PCDHGA5: variants seen among roughly 807,000 people sequenced by gnomAD.
PCDHGA5 encodes the protein protocadherin gamma-A5.
A neutral mutation model predicts 56.7 loss-of-function variants in PCDHGA5; 36 were observed. That is an observed-to-expected ratio of 0.64 (90% CI 0.49 to 0.84). The LOEUF (loss-of-function observed/expected upper bound fraction) is 0.84, where lower values mean the gene tolerates loss of function less well. Among genes scored for constraint, PCDHGA5 ranks in the 40% least tolerant of loss-of-function variants. The pLI, the probability that PCDHGA5 is intolerant of heterozygous loss-of-function variation, is 0.00. For synonymous variants in PCDHGA5, 563 were observed against 520.2 expected (o/e 1.08, Z -1.12); for missense variants, 1,305 against 1,201.5 (o/e 1.09, Z -1.27).
intron 1 of PCDHGA5, chr5:141,421,617 C>A (rs781622911): frequency 6.2e-7 from 1 of 1,613,768 alleles, no homozygotes; most frequent in South Asian, 1.1e-5. Flanking sequence ...TTAATGATAA[C>A]GCCCCCAGCT....
intron 1 of PCDHGA5, chr5:141,478,778 C>A: frequency 6.7e-7 from 1 of 1,488,178 alleles, no homozygotes; most frequent in Non-Finnish European, 8.9e-7. Flanking sequence ...ATCTGTGGAC[C>A]TAATTCACAT....
chr5:141,372,024 G>C (rs756350888), intron 1 of PCDHGA5: 1 of 1,613,384 alleles, frequency 6.2e-7, no homozygotes, highest in East Asian at 2.2e-5. Context: ...TACGCTCAGC[G>C]CCAACGTGAG....
chr5:141,370,949 C>T (rs1317760178), intron 1 of PCDHGA5: 2 of 1,613,980 alleles, frequency 1.2e-6, no homozygotes, highest in Non-Finnish European at 8.5e-7. Flanking sequence ...AGAAGGAGAA[C>T]CTGGATGGCA....
intron 1 of PCDHGA5, chr5:141,403,602 G>A (rs761454619): frequency 5.0e-6 from 8 of 1,613,800 alleles, no homozygotes; most frequent in Non-Finnish European, 5.9e-6. Context: ...GCCTCGGATG[G>A]CGGCGAGCCG....
chr5:141,484,532 G>A (rs1421387882), intron 1 of PCDHGA5, among the ~76,000 whole-genome samples: 1 of 152,182 alleles, frequency 6.6e-6, no homozygotes, highest in Non-Finnish European at 1.5e-5. Context: ...TTGAGTATAT[G>A]GCAGTGGTTC....
At chr5:141,405,489 G>A (rs1008095215) in intron 1 of PCDHGA5, 51 of 894,082 alleles carry the variant, frequency 5.7e-5, no homozygotes, top group Non-Finnish European at 7.7e-5. Context: ...GTGTGATCTC[G>A]GCTCATTGCA....
At position 141,505,383 on chromosome 5, in the gene PCDHGA5, C is replaced by G. The variant is rs369765886; in HGVS notation, c.2481-10C>G. On this transcript the variant is annotated splice_polypyrimidine_tract_variant and intron_variant, in intron 2 of 3. Transcript: ENST00000518069. ...GGGAGTCTGTGCTCACCATCCTACT[C>G]TCTCCCCAGCTCCCAAAATGGCGAT... The G allele has an allele frequency of 6.2e-7, 1 of 1,613,944 alleles. No homozygotes were observed. The highest frequency in any genetic ancestry group is 1.3e-5 in the African/African-American group (1 of 74,914).
chr5:141,406,600 G>A (rs1172246444), intron 1 of PCDHGA5, among the ~76,000 whole-genome samples: 2 of 152,144 alleles, frequency 1.3e-5, no homozygotes, highest in African/African-American at 4.8e-5. Flanking sequence ...AATGGTGAAA[G>A]TTGTCACATC....
In PCDHGA5 at chr5:141,490,390, G is replaced by C. The variant is rs2099699651; in HGVS notation, c.2422-4417G>C. The C allele has an allele frequency of 6.2e-7, 1 of 1,614,074 alleles. No individual in the cohort carries two copies. The highest frequency in any genetic ancestry group is 8.5e-7 in the Non-Finnish European group (1 of 1,180,040). On this transcript the variant is annotated intron_variant, in intron 1 of 3. Coordinates refer to ENST00000518069, the MANE Select transcript of PCDHGA5 (RefSeq NM_018918.3). This position sits in a 1 kb window ranked among gnomAD's most constrained non-coding sequence, Gnocchi z 5.4. ...AGACCGGGACTCAGGTAGAAATGGT[G>C]AAGTGAGCCTTGATATCTCTCCGGA... is the stretch of plus-strand genomic sequence containing the variant.
intron 1 of PCDHGA5, among the ~76,000 whole-genome samples, chr5:141,373,147 T>C (rs1769357441): frequency 6.6e-6 from 1 of 152,270 alleles, no homozygotes; most frequent in African/African-American, 2.4e-5. Flanking sequence ...TTAAGTGGTT[T>C]ACTTAGTTTT....
chr5:141,494,173 G>C (rs554811420), intron 1 of PCDHGA5, among the ~76,000 whole-genome samples: 2 of 152,304 alleles, frequency 1.3e-5, no homozygotes, highest in South Asian at 2.1e-4. Flanking sequence ...CTAGGGGTGA[G>C]AAGTGTCCCG....
At position 141,364,990 on chromosome 5, in the gene PCDHGA5, G is replaced by A. The variant is rs1363998069; in HGVS notation, c.660G>A (p.Pro220=). The change falls in exon 1 of 4, where the codon CCG becomes CCA. Residue 220 remains proline (P), a synonymous_variant. Coordinates refer to ENST00000518069, the MANE Select transcript of PCDHGA5 (RefSeq NM_018918.3). ...LLLTALDGGD[P]VLSGTTHIRV... ...TCACAGCTTTAGATGGCGGAGACCC[G>A]GTACTCTCCGGCACCACGCACATCC... 3 of 1,613,862 alleles carry A rather than the reference G, an allele frequency of 1.9e-6. No individual in the cohort carries two copies. The highest frequency in any genetic ancestry group is 1.7e-5 in the Admixed American group (1 of 60,026).
At chr5:141,372,841 T>C (rs887025706) in intron 1 of PCDHGA5, 1 of 1,514,832 alleles carries the variant, frequency 6.6e-7, no homozygotes. Flanking sequence ...CTTCCATAAA[T>C]ATAATTGGGT....
intron 1 of PCDHGA5, chr5:141,478,305 C>A (rs775282798): frequency 1.2e-6 from 2 of 1,613,974 alleles, no homozygotes; most frequent in Non-Finnish European, 8.5e-7. Flanking sequence ...TACCGAGCCC[C>A]GGTGAGCTCA....
rs1487270083 is a variant in PCDHGA5, at chr5:141,402,944, G to T, written c.2421+36193G>T. ...GATCCTTTTGAGAAAATTCCAAAGC[G>T]AGGCAGCAATGGCAGCTCCAACCAA... is the stretch of plus-strand genomic sequence containing the variant. On this transcript the variant is annotated intron_variant, in intron 1 of 3. Transcript: ENST00000518069. The T allele has an allele frequency of 3.8e-6, 6 of 1,592,018 alleles. No individual in the cohort carries two copies. The African/African-American group carries it at 8.1e-5, about 22-fold the overall frequency.
intron 1 of PCDHGA5, chr5:141,389,156 T>C (rs2091626888): frequency 6.2e-7 from 1 of 1,613,950 alleles, no homozygotes; most frequent in Non-Finnish European, 8.5e-7. Flanking sequence ...CGGCAACAGA[T>C]CGGGGCAAGC....
rs1212478322 is a variant in PCDHGA5 at position 141,485,871 on chromosome 5, T to G, written c.2422-8936T>G. ...ACCGCAGAGCTCCGGGTATCCGTGC[T>G]GGACGTAAACGACAACGCCCCAGCC... On this transcript the variant is annotated intron_variant, in intron 1 of 3. Coordinates refer to ENST00000518069, the MANE Select transcript of PCDHGA5 (RefSeq NM_018918.3). The surrounding 1 kb of genome is among the most constrained non-coding windows in gnomAD (Gnocchi z 5.7). 6.2e-7 allele frequency: 1 copy of G among 1,614,196 alleles called. No homozygotes were observed. The highest frequency in any genetic ancestry group is 8.5e-7 in the Non-Finnish European group (1 of 1,180,032).
rs775081505 is a variant in PCDHGA5 at position 141,486,730 on chromosome 5, T to C, written c.2422-8077T>C. ...ACCCCCAGACAGGAGCTGTTCATGC[T>C]ACTCGATCCTTTGACTATGAGCAAA... On this transcript the variant is annotated intron_variant, in intron 1 of 3. Coordinates refer to ENST00000518069, the MANE Select transcript of PCDHGA5 (RefSeq NM_018918.3). This position sits in a 1 kb window ranked among gnomAD's most constrained non-coding sequence, Gnocchi z 5.0. 1 of 1,614,120 alleles carries C rather than the reference T, an allele frequency of 6.2e-7. No homozygotes were observed. Among genetic ancestry groups the C allele is most frequent in the Non-Finnish European group, 8.5e-7 (1 of 1,180,050 alleles).
rs1008039711 is a variant in PCDHGA5 at position 141,394,856 on chromosome 5, G to C, written c.2421+28105G>C. 4 of 1,613,674 alleles carry C rather than the reference G, an allele frequency of 2.5e-6. No individual in the cohort carries two copies. In the African/African-American group the frequency reaches 5.3e-5, roughly 22 times the overall value. On this transcript the variant is annotated intron_variant, in intron 1 of 3. Coordinates refer to ENST00000518069, the MANE Select transcript of PCDHGA5 (RefSeq NM_018918.3). ...CCGAGTTGGGCAGTCTGAAGCCTTC[G>C]GTCGACCCGAACGATTCGAGCCTTA... is the stretch of plus-strand genomic sequence containing the variant.
Sources: allele counts gnomAD v4.1 joint callset (sites outside exome capture counted in the v4.1 genomes callset), GRCh38; gene constraint gnomAD v4.1.1; non-coding constraint Gnocchi (gnomAD v3.1); transcripts MANE v1.5; gene names NCBI Gene and HGNC (gene_info 2026-07-23, HGNC 2026-07-21).